PHACTR3: variants seen among roughly 807,000 people sequenced by gnomAD.
The protein encoded by PHACTR3 is phosphatase and actin regulator 3, also known as protein phosphatase 1, regulatory subunit 123.
In PHACTR3, 16 loss-of-function variants were observed where a neutral mutation model predicts 66.8. That is an observed-to-expected ratio of 0.24 (90% confidence interval 0.16 to 0.36). PHACTR3 has a LOEUF of 0.36. Ranked by LOEUF, PHACTR3 falls within the 10% of genes least tolerant of loss-of-function variation. The probability of loss-of-function intolerance (pLI) is 1.00; values close to 1 mark genes in which losing one functional copy is unlikely to be tolerated. For missense variants in PHACTR3, 647 were observed against 719.9 expected (o/e 0.90, Z 1.16); for synonymous variants, 323 against 292.1 (o/e 1.11, Z -1.08).
intron 8 of PHACTR3, among the ~76,000 whole-genome samples, chr20:59,831,149 G>C (rs1037370785): frequency 6.6e-6 from 1 of 152,204 alleles, no homozygotes; most frequent in African/African-American, 2.4e-5. Context: ...TGCCTGTGGG[G>C]TCACCTGTTT....
intron 1 of PHACTR3, among the ~76,000 whole-genome samples, chr20:59,632,568 A>G (rs1355243700): frequency 2.0e-5 from 3 of 152,186 alleles, no homozygotes; most frequent in Non-Finnish European, 4.4e-5. Context: ...ACAATTTTGA[A>G]GGTTGATTTC....
At chr20:59,684,978 A>C (rs1361143791) in intron 1 of PHACTR3, among the ~76,000 whole-genome samples, 2 of 150,946 alleles carry the variant, frequency 1.3e-5, no homozygotes, top group African/African-American at 4.9e-5. Context: ...CTCAGCTCTC[A>C]CTCCTTTGCT....
chr20:59,786,971 AC>A (rs2040937819), intron 7 of PHACTR3, among the ~76,000 whole-genome samples: 1 of 152,034 alleles, frequency 6.6e-6, no homozygotes, highest in Non-Finnish European at 1.5e-5. Context: ...TTGCAATCCA[AC>A]GTGCGTGTGT....
upstream of PHACTR3, chr20:59,604,046 T>TCCCTCTCCCCCGCCCCCCC (rs2033566434): frequency 6.5e-6 from 1 of 152,916 alleles, no homozygotes; most frequent in Non-Finnish European, 1.5e-5. Context: ...CGTGCCCTCC[T>TCCCTCTCCCCCGCCCCCCC]CCCTCTCCCC....
At chr20:59,812,986 C>T (rs1177669958) in intron 8 of PHACTR3, among the ~76,000 whole-genome samples, 3 of 152,184 alleles carry the variant, frequency 2.0e-5, no homozygotes, top group Non-Finnish European at 4.4e-5. Context: ...AGCCTTGCTG[C>T]CTGAGGCCAA....
rs2035468279 is a variant in PHACTR3 at position 59,651,831 on chromosome 20, AGG to A, written c.118+46700_118+46701del. On this transcript the variant is annotated intron_variant, in intron 1 of 12. Coordinates refer to ENST00000371015, the MANE Select transcript of PHACTR3 (RefSeq NM_080672.5). ...ACCCAACCAACAGGATCTTTTTGGT[AGG>A]TAGGTAGGTAGGTAGGTAGGTAGGT... 9.9e-4 allele frequency among the ~76,000 whole-genome samples: 5 copies of A among 5,060 alleles called. No individual in the cohort carries two copies. The South Asian group carries it at 0.042, about 43-fold the overall frequency. 3.3% of individuals were successfully genotyped at this position (5,060 alleles called of 152,430 possible). A position where few individuals can be genotyped will look rare whatever the true frequency, so the allele number is the denominator to read the frequency against.
At chr20:59,681,365 AT>A (rs57000191) in intron 1 of PHACTR3, among the ~76,000 whole-genome samples, 8,007 of 141,476 alleles carry the variant, frequency 0.057, 354 homozygotes, top group Admixed American at 0.14. Context: ...TCATTGTACC[AT>A]TTTTTTTTTC....
intron 1 of PHACTR3, among the ~76,000 whole-genome samples, chr20:59,622,093 T>C (rs1022327238): frequency 6.6e-5 from 10 of 152,080 alleles, no homozygotes; most frequent in Non-Finnish European, 1.3e-4. Context: ...TGTATGTGCA[T>C]GTACAAGTAT....
intron 1 of PHACTR3, among the ~76,000 whole-genome samples, chr20:59,667,491 CATGAGGCCTTGTGATAG>C (rs1334969471): frequency 6.6e-6 from 1 of 152,260 alleles, no homozygotes; most frequent in Non-Finnish European, 1.5e-5. Context: ...ATCCTGAACA[CATGAGGCCTTGTGATAG>C]ATGCCCCTAA....
At chr20:59,654,978 C>T (rs1304329694) in intron 1 of PHACTR3, among the ~76,000 whole-genome samples, 2 of 151,962 alleles carry the variant, frequency 1.3e-5, no homozygotes, top group Non-Finnish European at 2.9e-5. Context: ...TCCAGTCTCT[C>T]GTTGCATATT....
intron 1 of PHACTR3, among the ~76,000 whole-genome samples, chr20:59,672,203 GC>G (rs1191508714): frequency 6.6e-6 from 1 of 152,112 alleles, no homozygotes; most frequent in Non-Finnish European, 1.5e-5. Flanking sequence ...GCCCAGGACG[GC>G]CCCCGCCACA....
At chr20:59,661,306 C>A (rs988870290) in intron 1 of PHACTR3, among the ~76,000 whole-genome samples, 4 of 152,088 alleles carry the variant, frequency 2.6e-5, no homozygotes, top group African/African-American at 9.7e-5. Flanking sequence ...AGGTCCTGAG[C>A]AGGAGAGAGC....
chr20:59,763,335 T>G (rs2040064416), intron 4 of PHACTR3, among the ~76,000 whole-genome samples: 1 of 152,240 alleles, frequency 6.6e-6, no homozygotes, highest in Non-Finnish European at 1.5e-5. Context: ...CTTTTCTTTA[T>G]AAGTTACTCA....
chr20:59,783,234 A>C (rs2040788165), intron 7 of PHACTR3, among the ~76,000 whole-genome samples: 1 of 152,126 alleles, frequency 6.6e-6, no homozygotes, highest in African/African-American at 2.4e-5. Flanking sequence ...CTGCACTGAC[A>C]CCAGATGGCG....
At chr20:59,671,496 C>T (rs983276848) in intron 1 of PHACTR3, among the ~76,000 whole-genome samples, 2 of 152,206 alleles carry the variant, frequency 1.3e-5, no homozygotes, top group Non-Finnish European at 2.9e-5. Flanking sequence ...GGCCCGTGGG[C>T]CTAGGTCAGC....
chr20:59,814,093 T>G (rs1156846435), intron 8 of PHACTR3, among the ~76,000 whole-genome samples: 1 of 152,032 alleles, frequency 6.6e-6, no homozygotes, highest in East Asian at 1.9e-4. Context: ...AAATGGCAGA[T>G]GAGGAGGCCT....
At chr20:59,689,937 G>A (rs1020004639) in intron 1 of PHACTR3, among the ~76,000 whole-genome samples, 11 of 152,112 alleles carry the variant, frequency 7.2e-5, no homozygotes, top group Non-Finnish European at 1.5e-4. Flanking sequence ...TGCATCCTGA[G>A]CCTTCCAGCT....
rs762502804 is a variant in PHACTR3 at position 59,755,217 on chromosome 20, C to A, written c.394C>A (p.Pro132Thr). 11 of 1,613,596 alleles carry A rather than the reference C, an allele frequency of 6.8e-6. No homozygotes were observed. Among genetic ancestry groups the A allele is most frequent in the Admixed American group, 6.7e-5 (4 of 60,002 alleles). Residue 132 changes from proline to threonine, a missense_variant, in exon 4 of 13, where the codon CCC becomes ACC. Transcript: ENST00000371015. ...CAAAACTTGCAACCCCGATGGAGGA[C>A]CCCGATCTGTACAGAGTGAACCACC... ...ESKTCNPDGGPRSVQSEPPTP... is the reference protein window; with the variant it reads ...ESKTCNPDGGTRSVQSEPPTP...
chr20:59,678,667 G>A (rs905884924), intron 1 of PHACTR3, among the ~76,000 whole-genome samples: 2 of 152,222 alleles, frequency 1.3e-5, no homozygotes, highest in Non-Finnish European at 2.9e-5. Flanking sequence ...TTGTGGGGCA[G>A]AAATAGTCCT....
Sources: gnomAD v4.1 joint callset for allele counts (sites outside exome capture counted in the v4.1 genomes callset) on GRCh38, gnomAD v4.1.1 for gene constraint, MANE v1.5 for transcripts, NCBI Gene and HGNC (gene_info 2026-07-23, HGNC 2026-07-21) for gene names.